Variants in ZCWPW1 observed in about 807,000 individuals in gnomAD.
ZCWPW1 encodes the protein zinc finger CW-type and PWWP domain containing 1, also known as zinc finger CW-type PWWP domain protein 1.
In ZCWPW1, 56 loss-of-function variants were observed where a neutral mutation model predicts 81.3. The ratio of observed to expected loss-of-function variants is 0.69; its 90% CI spans 0.56 to 0.86. The LOEUF (loss-of-function observed/expected upper bound fraction) is 0.86, where lower values mean the gene tolerates loss of function less well. ZCWPW1 is among the 40% of genes least tolerant of loss of function. The probability of loss-of-function intolerance (pLI) is 0.00; values close to 1 mark genes in which losing one functional copy is unlikely to be tolerated. For synonymous variants in ZCWPW1, 250 were observed against 273.7 expected (o/e 0.91, Z 0.86); for missense variants, 650 against 769.8 (o/e 0.84, Z 1.84).
chr7:100,405,126 T>C lies in ZCWPW1; in HGVS notation c.1174-33A>G, dbSNP rs1319155273. 6 of 1,602,782 alleles carry C rather than the reference T, an allele frequency of 3.7e-6. No individual in the cohort carries two copies. The South Asian group carries it at 4.4e-5, about 12-fold the overall frequency. On this transcript the variant is annotated intron_variant, in intron 12 of 17. Transcript: ENST00000684423. ...AGAAGATTAGAGCCAATGATAAATATTGACTTAAAGATTAGAGTCATGACC... is the reference window on the plus strand; with the variant it reads ...AGAAGATTAGAGCCAATGATAAATACTGACTTAAAGATTAGAGTCATGACC...
At chr7:100,422,654 T>G (rs1228839004) in intron 2 of ZCWPW1, among the ~76,000 whole-genome samples, 1 of 152,246 alleles carries the variant, frequency 6.6e-6, no homozygotes, top group East Asian at 1.9e-4. Context: ...TCATGGGATT[T>G]AGTGTACAGA....
Position 100,427,555 on chromosome 7 carries a change from C to T in ZCWPW1, c.-137+1013G>A, listed in dbSNP as rs183403820. Among the ~76,000 whole-genome samples, 1,288 of 152,034 alleles carry T rather than the reference C, an allele frequency of 8.5e-3. 88 individuals are homozygous for T. Among genetic ancestry groups the T allele is most frequent in the Admixed American group, 0.08 (1,214 of 15,270 alleles). On this transcript the variant is annotated intron_variant, in intron 1 of 17. Coordinates refer to ENST00000684423, the MANE Select transcript of ZCWPW1 (RefSeq NM_001386010.1). ...TCTCTACTAAAAATACAAAATTAGCCGGGCACAGTGGCGGGCGCCTGTAGT... is the reference window on the plus strand; with the variant it reads ...TCTCTACTAAAAATACAAAATTAGCTGGGCACAGTGGCGGGCGCCTGTAGT...
intron 16 of ZCWPW1, 75 bp downstream of exon 16, chr7:100,402,441 T>TACCTGG: frequency 6.6e-7 from 1 of 1,508,130 alleles, no homozygotes; most frequent in South Asian, 1.1e-5. Flanking sequence ...GAGGTCCAGC[T>TACCTGG]ACCTGCAGAC....
chr7:100,419,405 T>C (rs528327563), intron 4 of ZCWPW1, among the ~76,000 whole-genome samples: 34 of 152,268 alleles, frequency 2.2e-4, no homozygotes, highest in Admixed American at 2.0e-4. Flanking sequence ...TGTCTACTTC[T>C]ATCCCCACCT....
intron 12 of ZCWPW1, among the ~76,000 whole-genome samples, chr7:100,405,494 G>C (rs1321334420): frequency 6.6e-6 from 1 of 151,998 alleles, no homozygotes; most frequent in Non-Finnish European, 1.5e-5. Context: ...CCAGCATACT[G>C]CTACCCATCT....
At chr7:100,426,492 CA>C (rs1239534406) in intron 1 of ZCWPW1, among the ~76,000 whole-genome samples, 808 of 72,256 alleles carry the variant, frequency 0.011, 4 homozygotes, top group African/African-American at 0.027. Context: ...GACTCTGTCT[CA>C]AAAAAAAAAA....
At position 100,416,464 on chromosome 7, in the gene ZCWPW1, T is replaced by C; in HGVS notation, c.480-8A>G. The C allele has an allele frequency of 6.2e-7, 1 of 1,611,708 alleles. No individual in the cohort carries two copies. Among genetic ancestry groups the C allele is most frequent in the Non-Finnish European group, 8.5e-7 (1 of 1,179,126 alleles). On this transcript the variant is annotated splice_polypyrimidine_tract_variant and splice_region_variant and intron_variant, in intron 6 of 17. Coordinates refer to ENST00000684423, the MANE Select transcript of ZCWPW1 (RefSeq NM_001386010.1). ...GTATGTGGTACCTCCTCTCTGAAAA[T>C]GAGGTTTTATTTTAATGAAAGGTAA...
At chr7:100,407,541 T>C (rs950335906) in intron 10 of ZCWPW1, among the ~76,000 whole-genome samples, 7 of 151,682 alleles carry the variant, frequency 4.6e-5, no homozygotes, top group Admixed American at 3.3e-4. Flanking sequence ...TACAGGCACA[T>C]GCCACCACAC....
At chr7:100,403,108 G>A (rs1792263788) in intron 15 of ZCWPW1, among the ~76,000 whole-genome samples, 1 of 152,092 alleles carries the variant, frequency 6.6e-6, no homozygotes, top group Admixed American at 6.6e-5. Context: ...GACAACTGGG[G>A]CTCCCTCAAG....
Position 100,419,665 on chromosome 7 carries a change from CCTTT to C in ZCWPW1, c.243_246del (p.Lys82HisfsTer55), listed in dbSNP as rs755901289. 1.6e-5 allele frequency: 26 copies of C among 1,612,378 alleles called. No individual in the cohort carries two copies. Among genetic ancestry groups the C allele is most frequent in the East Asian group, 4.5e-5 (2 of 44,866 alleles). Reference sequence around the variant, plus strand: ...TTCTCTGCTTGCTTGTTGATTTGTGCCTTTCTTTTTTTCTCCTGTTCCCTGCTTG... The same window carrying C: ...TTCTCTGCTTGCTTGTTGATTTGTGCCTTTTTTTCTCCTGTTCCCTGCTTG... On this transcript the variant is annotated frameshift_variant, in exon 4 of 18. Coordinates refer to ENST00000684423, the MANE Select transcript of ZCWPW1 (RefSeq NM_001386010.1). LOFTEE classifies it high-confidence loss of function.
In ZCWPW1 at chr7:100,408,943, C is replaced by T. The variant is rs375521362; in HGVS notation, c.872-284G>A. On this transcript the variant is annotated intron_variant, in intron 9 of 17. Coordinates refer to ENST00000684423, the MANE Select transcript of ZCWPW1 (RefSeq NM_001386010.1). ...TTCCACACTCCTGCTTGCATGCCCG[C>T]GTGTCTGACTGTGCTCCTGTCTATG... Among the ~76,000 whole-genome samples the T allele has an allele frequency of 8.5e-5, 13 of 152,180 alleles. 1 individual carries two copies. The East Asian group carries it at 1.4e-3, about 16-fold the overall frequency.
chr7:100,424,116 A>C (rs1194469501), intron 2 of ZCWPW1, among the ~76,000 whole-genome samples: 2 of 152,056 alleles, frequency 1.3e-5, no homozygotes, highest in Non-Finnish European at 2.9e-5. Flanking sequence ...CTGTAAAAAG[A>C]ATATTAATTT....
At chr7:100,406,591 CAG>C in intron 12 of ZCWPW1, 101 bp downstream of exon 12, 1 of 1,106,472 alleles carries the variant, frequency 9.0e-7, no homozygotes, top group Non-Finnish European at 1.3e-6. Context: ...TGGTCAGACA[CAG>C]AACTTTCTCC....
At chr7:100,401,451 C>A in intron 17 of ZCWPW1, 115 bp from the exon 18 acceptor site, 1 of 1,004,982 alleles carries the variant, frequency 1.0e-6, no homozygotes, top group East Asian at 2.7e-5. Context: ...GATGACCTTT[C>A]TCAATACAAA....
rs1241865529 is a variant in ZCWPW1 at position 100,428,666 on chromosome 7, CCGGGAAAA to C, written c.-243_-236del. 6.6e-6 allele frequency: 1 copy of C among 152,352 alleles called. No homozygotes were observed. The highest frequency in any genetic ancestry group is 1.5e-5 in the Non-Finnish European group (1 of 68,134). 9.4% of individuals were successfully genotyped at this position (152,352 alleles called of 1,614,324 possible). On this transcript the variant is annotated 5_prime_UTR_variant, in exon 1 of 18. The change abolishes the stop of an existing upstream ORF in the 5' untranslated region. Coordinates refer to ENST00000684423, the MANE Select transcript of ZCWPW1 (RefSeq NM_001386010.1). ...CAGGGAGACCGGGCGGCGCATCTCC[CCGGGAAAA>C]CGGCGTAGACTCGCTTCTTCCTCAT...
At chr7:100,421,881 G>A (rs976108554) in intron 2 of ZCWPW1, among the ~76,000 whole-genome samples, 10 of 152,004 alleles carry the variant, frequency 6.6e-5, no homozygotes, top group Non-Finnish European at 1.2e-4. Context: ...TAGTAGAGAC[G>A]GAGTTTCTCC....
intron 15 of ZCWPW1, 109 bp downstream of exon 15, chr7:100,403,585 A>G: frequency 1.1e-6 from 1 of 899,874 alleles, no homozygotes. Flanking sequence ...GCACTTTGGA[A>G]GGCTGAGGTG....
chr7:100,422,159 C>T (rs1796473604), intron 2 of ZCWPW1, among the ~76,000 whole-genome samples: 1 of 152,150 alleles, frequency 6.6e-6, no homozygotes, highest in Admixed American at 6.5e-5. Context: ...TTCAGGTTTA[C>T]AGGGATTTAA....
chr7:100,428,245 C>T (rs1362754511), intron 1 of ZCWPW1, among the ~76,000 whole-genome samples: 2 of 152,174 alleles, frequency 1.3e-5, no homozygotes, highest in African/African-American at 4.8e-5. Flanking sequence ...CCAGGTTTCC[C>T]GCCACCAAGA....
Sources: gnomAD v4.1 joint callset for allele counts (sites outside exome capture counted in the v4.1 genomes callset) on GRCh38, gnomAD v4.1.1 for gene constraint, MANE v1.5 for transcripts, NCBI Gene and HGNC (gene_info 2026-07-23, HGNC 2026-07-21) for gene names.